Variants in CPNE2 observed in about 807,000 individuals in gnomAD.
CPNE2 encodes copine 2.
A neutral mutation model predicts 69.7 loss-of-function variants in CPNE2; 42 were observed. That is an observed-to-expected ratio of 0.60 (90% CI 0.47 to 0.78). CPNE2 has a LOEUF of 0.78. CPNE2 is among the 30% of genes least tolerant of loss of function. The pLI is 0.00. For missense variants in CPNE2, 587 were observed against 732.0 expected, an observed-to-expected ratio of 0.80 and a Z score of 2.29; for synonymous variants, 294 against 289.8, an observed-to-expected ratio of 1.01 and a Z score of -0.15.
intron 1 of CPNE2, among the ~76,000 whole-genome samples, chr16:57,103,251 T>C (rs1459898786): frequency 2.6e-5 from 4 of 152,148 alleles, no homozygotes; most frequent in Non-Finnish European, 5.9e-5. Flanking sequence ...GGCTCCCTAG[T>C]AGCTACAGGT....
intron 10 of CPNE2, chr16:57,125,090 C>A: frequency 3.0e-6 from 1 of 329,758 alleles, no homozygotes; most frequent in South Asian, 2.3e-5. Context: ...CCAAATCTTC[C>A]CCGGGGTCCT....
At chr16:57,113,077 C>T in intron 2 of CPNE2, 1 of 521,260 alleles carries the variant, frequency 1.9e-6, no homozygotes, top group Non-Finnish European at 3.4e-6. Context: ...GGCCCTGCTC[C>T]ACAAGCTGTC....
At chr16:57,102,922 C>G (rs28535412) in intron 1 of CPNE2, among the ~76,000 whole-genome samples, 29 of 151,998 alleles carry the variant, frequency 1.9e-4, no homozygotes, top group African/African-American at 6.5e-4. Flanking sequence ...GTTTTAACCT[C>G]GCCCCCTTTA....
intron 1 of CPNE2, among the ~76,000 whole-genome samples, chr16:57,095,338 C>T (rs925486375): frequency 3.3e-5 from 5 of 152,246 alleles, no homozygotes; most frequent in African/African-American, 4.8e-5. Flanking sequence ...AGGTTAGAGG[C>T]GCCTCCTGGC....
intron 2 of CPNE2, among the ~76,000 whole-genome samples, chr16:57,111,268 C>T (rs1259770940): frequency 1.3e-5 from 2 of 151,666 alleles, no homozygotes; most frequent in Non-Finnish European, 2.9e-5. Context: ...CCTCTGCCTC[C>T]CAGGCTCAAG....
chr16:57,108,019 C>T (rs763328224), intron 1 of CPNE2, among the ~76,000 whole-genome samples: 17 of 152,014 alleles, frequency 1.1e-4, no homozygotes, highest in South Asian at 4.1e-4. Flanking sequence ...TACAGGTGCA[C>T]GCCACCATGC....
At chr16:57,134,853 C>T in intron 13 of CPNE2, 27 bp downstream of exon 13, 1 of 1,613,320 alleles carries the variant, frequency 6.2e-7, no homozygotes, top group Non-Finnish European at 8.5e-7. Flanking sequence ...CCTGCAGCTG[C>T]CCTGTGTTTG....
Position 57,115,559 on chromosome 16 carries a change from C to G in CPNE2, c.435+9C>G, listed in dbSNP as rs759909007. On this transcript the variant is annotated intron_variant, in intron 4 of 15. Coordinates refer to ENST00000290776, the MANE Select transcript of CPNE2 (RefSeq NM_152727.6). ...GGAAGGGCTTGATTACGGTACCAGT[C>G]CCCTCCCGGCTCTCCGCACCCCCTC... 1.9e-6 allele frequency: 3 copies of G among 1,603,922 alleles called. No individual in the cohort carries two copies. In the Admixed American group the frequency reaches 5.0e-5, roughly 27 times the overall value.
chr16:57,124,666 G>T (rs2069787595), intron 10 of CPNE2: 1 of 275,648 alleles, frequency 3.6e-6, no homozygotes, highest in African/African-American at 2.2e-5. Context: ...CACCCCAAGG[G>T]AGCCTCAGGC....
chr16:57,115,413 GATTTTTCCTTC>G (rs1219477879), intron 3 of CPNE2, 52 bp from the exon 4 acceptor site: 4 of 1,374,316 alleles, frequency 2.9e-6, no homozygotes, highest in Non-Finnish European at 4.1e-6. Context: ...GCCGGTGGAG[GATTTTTCCTTC>G]CCGGGCTTCC....
chr16:57,147,735 T>C lies in CPNE2; in HGVS notation c.*77T>C. 1.1e-6 allele frequency: 1 copy of C among 946,818 alleles called. No individual in the cohort carries two copies. The highest frequency in any genetic ancestry group is 1.5e-6 in the Non-Finnish European group (1 of 675,678). The allele number at this position is 946,818 out of a possible 1,614,324, so 58.7% of individuals were successfully genotyped here. A position where few individuals can be genotyped will look rare whatever the true frequency, so the allele number is the denominator to read the frequency against. On this transcript the variant is annotated 3_prime_UTR_variant, in exon 16 of 16. Coordinates refer to ENST00000290776, the MANE Select transcript of CPNE2 (RefSeq NM_152727.6). ...GAACATGCACGCTCACTCTGCTTCCTTGTGGGTGGCCTTTTTTTACCGATC... is the reference window on the plus strand; with the variant it reads ...GAACATGCACGCTCACTCTGCTTCCCTGTGGGTGGCCTTTTTTTACCGATC...
In CPNE2 at chr16:57,100,473, G is replaced by A. The variant is rs147193258; in HGVS notation, c.-36+7683G>A. ...CATTTTGAGCCAGTATCTGCAGTGC[G>A]TCAAGCATTTTGTAATTTCCATGTG... On this transcript the variant is annotated intron_variant, in intron 1 of 15. Coordinates refer to ENST00000290776, the MANE Select transcript of CPNE2 (RefSeq NM_152727.6). 1.9e-3 allele frequency among the ~76,000 whole-genome samples: 283 copies of A among 152,326 alleles called. 2 individuals carry two copies. Among genetic ancestry groups the A allele is most frequent in the African/African-American group, 6.7e-3 (277 of 41,568 alleles).
chr16:57,136,925 G>A (rs182506866), intron 13 of CPNE2, among the ~76,000 whole-genome samples: 2 of 152,184 alleles, frequency 1.3e-5, no homozygotes, highest in African/African-American at 4.8e-5. Flanking sequence ...AGAAAAGGCA[G>A]GATTCAAACT....
intron 14 of CPNE2, among the ~76,000 whole-genome samples, chr16:57,139,207 T>C (rs1423813596): frequency 6.6e-6 from 1 of 151,886 alleles, no homozygotes; most frequent in Non-Finnish European, 1.5e-5. Context: ...GATGGAATCA[T>C]AGGGGGTCGA....
rs138919864 is a variant in CPNE2, at chr16:57,134,260, C to G, written c.1117-515C>G. Among the ~76,000 whole-genome samples the G allele has an allele frequency of 8.4e-3, 1,285 of 152,300 alleles. 15 individuals are homozygous for G. The highest frequency in any genetic ancestry group is 0.029 in the African/African-American group (1,214 of 41,552). On this transcript the variant is annotated intron_variant, in intron 12 of 15. Transcript: ENST00000290776. ...TTGCAGCCCCCTTACACTCCCTGATCGCCAGGTCAGCTCTGAGTGGGCTGT... is the reference window on the plus strand; with the variant it reads ...TTGCAGCCCCCTTACACTCCCTGATGGCCAGGTCAGCTCTGAGTGGGCTGT...
intron 12 of CPNE2, among the ~76,000 whole-genome samples, chr16:57,131,294 CCA>C (rs1402313008): frequency 6.6e-5 from 10 of 152,226 alleles, no homozygotes; most frequent in African/African-American, 2.4e-4. Flanking sequence ...ATTGCTGTTT[CCA>C]GAGTGAATTT....
intron 3 of CPNE2, among the ~76,000 whole-genome samples, chr16:57,114,082 G>A (rs1370269752): frequency 6.6e-6 from 1 of 152,250 alleles, no homozygotes; most frequent in Non-Finnish European, 1.5e-5. Flanking sequence ...TCCTAGTGGA[G>A]ACTGAAATGC....
chr16:57,115,749 G>A (rs1254606898), intron 4 of CPNE2, among the ~76,000 whole-genome samples, 199 bp downstream of exon 4: 1 of 152,224 alleles, frequency 6.6e-6, no homozygotes, highest in Non-Finnish European at 1.5e-5. Context: ...AGCTGGGGAG[G>A]CCTCCAGAGC....
chr16:57,132,348 T>A (rs1224360888), intron 12 of CPNE2, among the ~76,000 whole-genome samples: 1 of 152,140 alleles, frequency 6.6e-6, no homozygotes, highest in East Asian at 1.9e-4. Flanking sequence ...GAACGGGATC[T>A]GGGCAGAAGG....
Sources: gnomAD v4.1 joint callset for allele counts (sites outside exome capture counted in the v4.1 genomes callset) on GRCh38, gnomAD v4.1.1 for gene constraint, MANE v1.5 for transcripts, NCBI Gene and HGNC (gene_info 2026-07-23, HGNC 2026-07-21) for gene names.